CNTN4: variants seen among roughly 807,000 people sequenced by gnomAD.
The protein encoded by CNTN4 is contactin 4.
A neutral mutation model predicts 122.5 loss-of-function variants in CNTN4; 77 were observed. The observed-to-expected ratio is 0.63, with a 90% CI of 0.52 to 0.76. The LOEUF (loss-of-function observed/expected upper bound fraction) is 0.76. CNTN4 is among the 30% of genes least tolerant of loss of function. The pLI, the probability that CNTN4 is intolerant of heterozygous loss-of-function variation, is 0.00. For missense variants in CNTN4, 1,256 were observed against 1,259.1 expected (o/e 1.00, Z 0.04); for synonymous variants, 512 against 447.0 (o/e 1.15, Z -1.83).
chr3:2,920,178 T>C (rs1009460477), intron 12 of CNTN4, among the ~76,000 whole-genome samples: 2 of 151,464 alleles, frequency 1.3e-5, no homozygotes, highest in African/African-American at 4.9e-5. Flanking sequence ...GGTCACATAC[T>C]GTATGATTAC....
intron 4 of CNTN4, among the ~76,000 whole-genome samples, chr3:2,680,205 A>C (rs2085092652): frequency 6.6e-6 from 1 of 152,150 alleles, no homozygotes; most frequent in South Asian, 2.1e-4. Context: ...AGATACATGA[A>C]CCCATCTCTG....
At chr3:2,577,440 G>T (rs1371904718) in intron 4 of CNTN4, among the ~76,000 whole-genome samples, 2 of 152,168 alleles carry the variant, frequency 1.3e-5, no homozygotes, top group Non-Finnish European at 2.9e-5. Context: ...CCTGCAATTA[G>T]GGAGTTTTAC....
chr3:2,182,549 C>G (rs551633385), intron 2 of CNTN4, among the ~76,000 whole-genome samples: 3 of 151,956 alleles, frequency 2.0e-5, no homozygotes, highest in Admixed American at 6.6e-5. Flanking sequence ...CTGAACTACT[C>G]CTTATAATTA....
chr3:2,954,115 A>C lies in CNTN4; in HGVS notation c.1358+28336A>C, dbSNP rs72622145. On this transcript the variant is annotated intron_variant, in intron 13 of 24. Coordinates refer to ENST00000418658, the MANE Select transcript of CNTN4 (RefSeq NM_175607.3). The stretch of plus-strand genomic sequence containing the variant: ...GATTTATTTAGATGTCACACAAGAT[A>C]ATTGCAGCTTTGTAAACCTAACCTA... Among the ~76,000 whole-genome samples the C allele has an allele frequency of 7.1e-3, 1,079 of 152,312 alleles. 77 individuals are homozygous for C. The East Asian group carries it at 0.16, about 23-fold the overall frequency.
At chr3:2,976,461 T>G (rs1168402046) in intron 13 of CNTN4, among the ~76,000 whole-genome samples, 2 of 152,114 alleles carry the variant, frequency 1.3e-5, no homozygotes, top group African/African-American at 4.8e-5. Flanking sequence ...GCAAATTATC[T>G]CTAAGGGAAC....
intron 6 of CNTN4, among the ~76,000 whole-genome samples, chr3:2,784,997 GCC>G (rs1219724373): frequency 3.3e-5 from 5 of 151,964 alleles, no homozygotes; most frequent in Admixed American, 2.6e-4. Flanking sequence ...TGAAAACTTG[GCC>G]TTCTTGGCCC....
chr3:2,492,838 G>A (rs964839916), intron 3 of CNTN4, among the ~76,000 whole-genome samples: 1 of 152,126 alleles, frequency 6.6e-6, no homozygotes, highest in African/African-American at 2.4e-5. Flanking sequence ...CAAATACATG[G>A]TGTGATAGTT....
At chr3:2,561,295 A>G (rs1299163365) in intron 3 of CNTN4, among the ~76,000 whole-genome samples, 1 of 152,192 alleles carries the variant, frequency 6.6e-6, no homozygotes, top group Non-Finnish European at 1.5e-5. Flanking sequence ...CACACCAGCG[A>G]GCAGAAGGAA....
intron 7 of CNTN4, among the ~76,000 whole-genome samples, chr3:2,848,099 AT>A (rs1319503078): frequency 1.3e-5 from 2 of 152,128 alleles, no homozygotes; most frequent in East Asian, 1.9e-4. Context: ...AATAAAAAAA[AT>A]ATTAGCTGGG....
At chr3:2,239,012 A>T (rs562650925) in intron 2 of CNTN4, 2 of 151,398 alleles carry the variant, frequency 1.3e-5, no homozygotes, top group Non-Finnish European at 2.9e-5. Flanking sequence ...GGCGTGAGCC[A>T]CCGTGCCCGG....
intron 3 of CNTN4, among the ~76,000 whole-genome samples, chr3:2,364,908 C>T (rs2045312412): frequency 6.6e-6 from 1 of 152,010 alleles, no homozygotes; most frequent in Admixed American, 6.6e-5. Context: ...TTTTCATAGT[C>T]CACAAGATAA....
chr3:3,029,543 A>G (rs1415207607), intron 15 of CNTN4, among the ~76,000 whole-genome samples: 2 of 152,200 alleles, frequency 1.3e-5, no homozygotes, highest in Non-Finnish European at 2.9e-5. Flanking sequence ...TGGCAATTCT[A>G]TCTCTTCCAT....
intron 3 of CNTN4, among the ~76,000 whole-genome samples, chr3:2,533,491 C>A (rs1575881636): frequency 1.4e-5 from 1 of 73,290 alleles, no homozygotes. Flanking sequence ...GCATAGTATT[C>A]CATAGGGTGT....
intron 3 of CNTN4, among the ~76,000 whole-genome samples, chr3:2,449,427 CAACATGGCA>C (rs1280486109): frequency 6.6e-6 from 1 of 151,976 alleles, no homozygotes; most frequent in East Asian, 1.9e-4. Flanking sequence ...CCAGCCTGGC[CAACATGGCA>C]AAACCCCGTC....
chr3:2,703,845 G>T (rs2086495348), intron 4 of CNTN4, among the ~76,000 whole-genome samples: 1 of 151,982 alleles, frequency 6.6e-6, no homozygotes, highest in African/African-American at 2.4e-5. Context: ...GAAAATAAAA[G>T]AGCTAAGTAT....
chr3:2,696,725 G>T (rs186285639), intron 4 of CNTN4, among the ~76,000 whole-genome samples: 1 of 152,278 alleles, frequency 6.6e-6, no homozygotes, highest in Non-Finnish European at 1.5e-5. Context: ...TAATATGGAG[G>T]TTTGCCATTT....
At chr3:2,364,300 C>T (rs1308602284) in intron 3 of CNTN4, among the ~76,000 whole-genome samples, 2 of 152,124 alleles carry the variant, frequency 1.3e-5, no homozygotes, top group African/African-American at 4.8e-5. Context: ...AGGTGCCTAG[C>T]AGAGTATTAG....
chr3:2,871,127 G>T (rs906506079), intron 8 of CNTN4, among the ~76,000 whole-genome samples: 1 of 152,156 alleles, frequency 6.6e-6, no homozygotes, highest in Non-Finnish European at 1.5e-5. Context: ...TCCAGGCAGA[G>T]TTCAGCCCCA....
chr3:3,035,755 G>A (rs990739669), intron 17 of CNTN4, among the ~76,000 whole-genome samples: 1 of 152,104 alleles, frequency 6.6e-6, no homozygotes, highest in African/African-American at 2.4e-5. Flanking sequence ...GACAGGTCTT[G>A]CTATGTTGCT....
Sources: gnomAD v4.1 joint callset for allele counts (sites outside exome capture counted in the v4.1 genomes callset) on GRCh38, gnomAD v4.1.1 for gene constraint, MANE v1.5 for transcripts, NCBI Gene and HGNC (gene_info 2026-07-23, HGNC 2026-07-21) for gene names.